Variants in UVRAG observed in about 807,000 individuals in gnomAD.
UVRAG encodes the protein UV radiation resistance-associated gene protein.
UVRAG carries 19 observed loss-of-function variants against 78.0 expected under a neutral mutation model. The ratio of observed to expected loss-of-function variants is 0.24; its 90% confidence interval spans 0.17 to 0.36. The LOEUF (loss-of-function observed/expected upper bound fraction) is 0.36. Among genes scored for constraint, UVRAG ranks in the 10% least tolerant of loss-of-function variants. The pLI, the probability that UVRAG is intolerant of heterozygous loss-of-function variation, is 1.00. For missense variants in UVRAG, 740 were observed against 853.8 expected, an observed-to-expected ratio of 0.87 and a Z score of 1.66; for synonymous variants, 323 against 324.6, an observed-to-expected ratio of 1.00 and a Z score of 0.05.
intron 2 of UVRAG, among the ~76,000 whole-genome samples, chr11:75,860,774 A>ATTTCT (rs780195030): frequency 4.6e-5 from 7 of 150,982 alleles, no homozygotes; most frequent in Admixed American, 6.6e-5. Context: ...TGAGCGTGCA[A>ATTTCT]TTTCTTTTCT....
chr11:75,939,995 A>T (rs17134477), intron 6 of UVRAG, among the ~76,000 whole-genome samples: 19,587 of 152,182 alleles, frequency 0.13, 2,725 homozygotes, highest in African/African-American at 0.35. Context: ...AATGAGCAAA[A>T]TTAATCACAT....
At chr11:75,818,129 C>T (rs548230141) in intron 1 of UVRAG, among the ~76,000 whole-genome samples, 1 of 151,788 alleles carries the variant, frequency 6.6e-6, no homozygotes, top group African/African-American at 2.4e-5. Context: ...TCCTGGAAGT[C>T]CTCCTATGTT....
chr11:75,865,528 A>T (rs891338740), intron 3 of UVRAG, among the ~76,000 whole-genome samples: 1 of 152,182 alleles, frequency 6.6e-6, no homozygotes, highest in Non-Finnish European at 1.5e-5. Flanking sequence ...ACTGAATTTT[A>T]AATTTTGTTT....
chr11:75,910,555 T>G (rs1285338711), intron 5 of UVRAG, among the ~76,000 whole-genome samples: 1 of 150,264 alleles, frequency 6.7e-6, no homozygotes, highest in African/African-American at 2.4e-5. Flanking sequence ...TTTTTTTTTT[T>G]GACAGTGTCT....
At chr11:75,910,321 G>C (rs1168537549) in intron 5 of UVRAG, among the ~76,000 whole-genome samples, 1 of 152,070 alleles carries the variant, frequency 6.6e-6, no homozygotes, top group Non-Finnish European at 1.5e-5. Flanking sequence ...CCCGCATTTT[G>C]TGAGGCAGTT....
intron 11 of UVRAG, among the ~76,000 whole-genome samples, chr11:76,011,683 A>G (rs1950053017): frequency 6.6e-6 from 1 of 152,146 alleles, no homozygotes; most frequent in Non-Finnish European, 1.5e-5. Flanking sequence ...TGCATTTACT[A>G]AATGTATTGA....
intron 5 of UVRAG, among the ~76,000 whole-genome samples, chr11:75,894,116 T>C (rs1261932008): frequency 2.0e-5 from 3 of 152,138 alleles, no homozygotes; most frequent in Non-Finnish European, 2.9e-5. Context: ...GACTGTAAGC[T>C]AACAAACAAA....
At chr11:76,110,211 C>CATATATATATATATATATATATATAT (rs10526191) in intron 13 of UVRAG, among the ~76,000 whole-genome samples, 25 of 136,644 alleles carry the variant, frequency 1.8e-4, no homozygotes, top group African/African-American at 7.4e-4. Flanking sequence ...ATATCTGGTA[C>CATATATATATATATATATATATATAT]ATATATATAT....
At chr11:76,080,549 T>A (rs1951476979) in intron 13 of UVRAG, among the ~76,000 whole-genome samples, 1 of 152,068 alleles carries the variant, frequency 6.6e-6, no homozygotes, top group Non-Finnish European at 1.5e-5. Flanking sequence ...TGAATCCTAG[T>A]GAAGTTTTTT....
chr11:76,115,725 A>AGTGG (rs1283324192), intron 13 of UVRAG, among the ~76,000 whole-genome samples, 199 bp from the exon 14 acceptor site: 1 of 152,218 alleles, frequency 6.6e-6, no homozygotes, highest in Non-Finnish European at 1.5e-5. Flanking sequence ...TCGTAATTTA[A>AGTGG]GTGGGTGTGC....
At chr11:76,088,734 C>T (rs892192697) in intron 13 of UVRAG, among the ~76,000 whole-genome samples, 3 of 152,172 alleles carry the variant, frequency 2.0e-5, no homozygotes, top group African/African-American at 4.8e-5. Flanking sequence ...AACTCCCACT[C>T]ATTCTCCAGG....
At chr11:75,824,527 A>G (rs1356297197) in intron 1 of UVRAG, among the ~76,000 whole-genome samples, 1 of 152,164 alleles carries the variant, frequency 6.6e-6, no homozygotes, top group Non-Finnish European at 1.5e-5. Context: ...CAGAATTGAA[A>G]CTAATAAGTT....
At chr11:76,017,017 C>G (rs747087557) in intron 12 of UVRAG, 37 bp downstream of exon 12, 3 of 1,495,184 alleles carry the variant, frequency 2.0e-6, no homozygotes, top group East Asian at 2.3e-5. Flanking sequence ...ATTTTAACAT[C>G]AAGCCAGTAT....
intron 6 of UVRAG, among the ~76,000 whole-genome samples, chr11:75,919,389 C>T (rs918459839): frequency 6.6e-6 from 1 of 152,150 alleles, no homozygotes; most frequent in African/African-American, 2.4e-5. Flanking sequence ...TTTCTGTATG[C>T]TTATTTTAAG....
Position 75,851,903 on chromosome 11 carries a change from G to C in UVRAG, c.138G>C (p.Arg46=). The change falls in exon 2 of 15, where the codon CGG becomes CGC. Residue 46 remains arginine (R), a synonymous_variant. Transcript: ENST00000356136. ...PSQQRRLRHL[R]NIAARNIVNR... is the part of the protein sequence containing the mutation. ...TTCAGCGGCGTCTTCGACATCTTCG[G>C]AACATTGCTGCCCGGAACATTGTTA... is the stretch of plus-strand genomic sequence containing the variant. 6.2e-7 allele frequency: 1 copy of C among 1,612,516 alleles called. No homozygotes were observed. The highest frequency in any genetic ancestry group is 8.5e-7 in the Non-Finnish European group (1 of 1,179,648).
At chr11:75,994,935 A>G (rs1200256369) in intron 8 of UVRAG, among the ~76,000 whole-genome samples, 2 of 152,184 alleles carry the variant, frequency 1.3e-5, no homozygotes, top group Admixed American at 1.3e-4. Context: ...CCATTTTCCA[A>G]CTTTGTCCTT....
intron 7 of UVRAG, among the ~76,000 whole-genome samples, 180 bp downstream of exon 7, chr11:75,961,729 G>A (rs1359879760): frequency 1.3e-5 from 2 of 152,104 alleles, no homozygotes; most frequent in Non-Finnish European, 2.9e-5. Flanking sequence ...ATAATGTAAC[G>A]CATGAAGTGC....
chr11:76,084,358 G>A (rs1257034340), intron 13 of UVRAG, among the ~76,000 whole-genome samples: 1 of 152,142 alleles, frequency 6.6e-6, no homozygotes, highest in African/African-American at 2.4e-5. Context: ...AAGAGTCCAA[G>A]AGAATGTACC....
At chr11:75,955,474 T>C (rs1205460522) in intron 6 of UVRAG, among the ~76,000 whole-genome samples, 1 of 152,134 alleles carries the variant, frequency 6.6e-6, no homozygotes, top group Non-Finnish European at 1.5e-5. Flanking sequence ...AAAATGAACC[T>C]CTCATATATA....
Sources: allele counts gnomAD v4.1 joint callset (sites outside exome capture counted in the v4.1 genomes callset), GRCh38; gene constraint gnomAD v4.1.1; transcripts MANE v1.5; gene names NCBI Gene and HGNC (gene_info 2026-07-23, HGNC 2026-07-21).